ZNF730: variants seen among roughly 807,000 people sequenced by gnomAD.
ZNF730 encodes zinc finger protein 730.
ZNF730 carries 12 observed loss-of-function variants against 12.6 expected under a neutral mutation model. The observed-to-expected ratio is 0.95, with a 90% CI of 0.61 to 1.54. The LOEUF is 1.54. ZNF730 is among the 40% of genes most tolerant of loss of function. ZNF730 has a pLI of 0.00. For missense variants in ZNF730, 643 were observed against 583.5 expected (o/e 1.10, Z -1.05); for synonymous variants, 194 against 195.8 (o/e 0.99, Z 0.08).
rs183181418 is a variant in ZNF730 at position 23,105,522 on chromosome 19, C to G, written c.-93-28558C>G. Among the ~76,000 whole-genome samples the G allele has an allele frequency of 4.6e-5, 7 of 152,194 alleles. No individual in the cohort carries two copies. The East Asian group carries it at 1.4e-3, about 29-fold the overall frequency. On this transcript the variant is annotated intron_variant, in intron 1 of 2. Transcript: ENST00000593635. ...GAAAAAGCATATGTCTCAATGAGAG[C>G]ACACAATTATGAGAATGGCAACCAT...
At chr19:23,134,348 C>G (rs1342747131) in intron 2 of ZNF730, 142 bp downstream of exon 2, 2 of 695,510 alleles carry the variant, frequency 2.9e-6, no homozygotes, top group Non-Finnish European at 4.2e-6. Context: ...TGTCCCCTGC[C>G]CCTCTGCCCG....
intron 3 of ZNF730, among the ~76,000 whole-genome samples, chr19:23,142,269 A>G (rs1970933147): frequency 6.6e-6 from 1 of 152,080 alleles, no homozygotes. Flanking sequence ...TAATATTTGC[A>G]TGAAGCATCT....
chr19:23,088,443 A>G (rs188791196), intron 1 of ZNF730, among the ~76,000 whole-genome samples: 100 of 151,966 alleles, frequency 6.6e-4, no homozygotes, highest in Middle Eastern at 6.8e-3. Flanking sequence ...GTTTATTGAG[A>G]GGGGTTTTTT....
intron 1 of ZNF730, among the ~76,000 whole-genome samples, chr19:23,130,034 G>T (rs1254341743): frequency 6.6e-6 from 1 of 151,792 alleles, no homozygotes; most frequent in East Asian, 1.9e-4. Context: ...TGTTGGGAAG[G>T]TATGATTGGT....
upstream of ZNF730, among the ~76,000 whole-genome samples, chr19:23,112,978 C>T (rs1194518573): frequency 1.3e-5 from 2 of 152,140 alleles, no homozygotes; most frequent in Non-Finnish European, 2.9e-5. Flanking sequence ...AAATGTATCC[C>T]CTATCATAGG....
intron 1 of ZNF730, among the ~76,000 whole-genome samples, chr19:23,090,599 A>G (rs1368306649): frequency 1.3e-5 from 2 of 152,202 alleles, no homozygotes; most frequent in Non-Finnish European, 2.9e-5. Context: ...ATAAGTAGCA[A>G]GGAGCCTAAT....
chr19:23,116,391 CTCTT>C (rs200604549), upstream of ZNF730, among the ~76,000 whole-genome samples: 3,176 of 147,190 alleles, frequency 0.022, 52 homozygotes, highest in Non-Finnish European at 0.029. Flanking sequence ...TTTTCTCTCT[CTCTT>C]TCTCTCCTCC....
At chr19:23,140,378 G>A (rs189381469) in intron 3 of ZNF730, among the ~76,000 whole-genome samples, 214 of 151,988 alleles carry the variant, frequency 1.4e-3, no homozygotes, top group African/African-American at 4.9e-3. Context: ...GGGAGGCCAA[G>A]GTGGGCAGAT....
intron 1 of ZNF730, chr19:23,095,600 C>A (rs1041753595): frequency 1.0e-5 from 4 of 395,018 alleles, no homozygotes; most frequent in Non-Finnish European, 1.8e-5. Flanking sequence ...AAGATGACAT[C>A]ATTCTTTAGT....
chr19:23,121,877 T>C (rs1396046563), intron 1 of ZNF730, among the ~76,000 whole-genome samples: 1 of 152,156 alleles, frequency 6.6e-6, no homozygotes, highest in African/African-American at 2.4e-5. Context: ...TACGTGAAAG[T>C]AAGGGAGGAT....
rs766102868 is a variant in ZNF730 at position 23,134,084 on chromosome 19, C to T, written c.8C>T (p.Ala3Val). ...GTGTTTGTTTGTGTTTTTCAGGGAG[C>T]GTTGACATTTAGAGATGTGGCCATA... is the stretch of plus-strand genomic sequence containing the variant. MGALTFRDVAIEF... is the reference protein window; with the variant it reads MGVLTFRDVAIEF... Residue 3 changes from alanine to valine, a missense_variant, in exon 2 of 4, where the codon GCG (alanine) becomes GTG (valine). Coordinates refer to ENST00000597761, the MANE Select transcript of ZNF730 (RefSeq NM_001277403.2). 18 of 1,612,638 alleles carry T rather than the reference C, an allele frequency of 1.1e-5. No homozygotes were observed. The highest frequency in any genetic ancestry group is 1.2e-5 in the Non-Finnish European group (14 of 1,179,344).
chr19:23,123,021 A>G (rs1970618894), intron 1 of ZNF730, among the ~76,000 whole-genome samples: 1 of 152,230 alleles, frequency 6.6e-6, no homozygotes, highest in South Asian at 2.1e-4. Context: ...ATAGGTAAGC[A>G]TTGTTTTAGT....
rs1391249749 is a variant in ZNF730 at position 23,136,025 on chromosome 19, A to G, written c.208A>G (p.Met70Val). ...GCCTTGGAATTTGAAGACACATGAT[A>G]TGGTAGCCAAACCCCCAGGTAGGTG... is the stretch of plus-strand genomic sequence containing the variant. ...KEPWNLKTHD[M>V]VAKPPVICSH... is the part of the protein sequence containing the mutation. The change falls in exon 3 of 4, where the codon ATG (methionine) becomes GTG (valine). Residue 70 changes from methionine to valine, a missense_variant. Coordinates refer to ENST00000597761, the MANE Select transcript of ZNF730 (RefSeq NM_001277403.2). The G allele has an allele frequency of 2.9e-5, 46 of 1,604,040 alleles. No homozygotes were observed. The highest frequency in any genetic ancestry group is 1.7e-4 in the Middle Eastern group (1 of 6,038).
chr19:23,136,093 T>C, intron 3 of ZNF730, 50 bp downstream of exon 3: 1 of 1,314,788 alleles, frequency 7.6e-7, no homozygotes, highest in Non-Finnish European at 1.0e-6. Context: ...ATCTATAGTT[T>C]AAAAAAAGAA....
At chr19:23,120,850 C>T (rs761438508) in intron 1 of ZNF730, among the ~76,000 whole-genome samples, 2 of 152,138 alleles carry the variant, frequency 1.3e-5, no homozygotes, top group African/African-American at 2.4e-5. Context: ...ATACATTTCC[C>T]TCTTACCACT....
chr19:23,080,384 TTTTTA>T (rs1163423117), intron 1 of ZNF730, among the ~76,000 whole-genome samples: 1 of 151,886 alleles, frequency 6.6e-6, no homozygotes, highest in Non-Finnish European at 1.5e-5. Context: ...TATTTTTTTT[TTTTTA>T]TTTTGAGACA....
intron 3 of ZNF730, among the ~76,000 whole-genome samples, chr19:23,141,553 A>G (rs1267005102): frequency 6.6e-6 from 1 of 152,216 alleles, no homozygotes; most frequent in Non-Finnish European, 1.5e-5. Context: ...TAATCTGTAG[A>G]TTGCATTGAG....
At chr19:23,101,227 A>ATAAACACATGTCACTG (rs143203450) in intron 1 of ZNF730, among the ~76,000 whole-genome samples, 26 of 152,144 alleles carry the variant, frequency 1.7e-4, no homozygotes, top group Middle Eastern at 3.2e-3. Flanking sequence ...ATTCTCCCAT[A>ATAAACACATGTCACTG]TTGAGGTTCT....
chr19:23,141,710 T>C (rs1970923512), intron 3 of ZNF730, among the ~76,000 whole-genome samples: 1 of 152,222 alleles, frequency 6.6e-6, no homozygotes, highest in Non-Finnish European at 1.5e-5. Context: ...TATAAAGTAA[T>C]TTATACAATT....
Sources: gnomAD v4.1 joint callset for allele counts (sites outside exome capture counted in the v4.1 genomes callset) on GRCh38, gnomAD v4.1.1 for gene constraint, MANE v1.5 for transcripts, NCBI Gene and HGNC (gene_info 2026-07-23, HGNC 2026-07-21) for gene names.